Variants in CSMD1 observed in about 807,000 individuals in gnomAD.
The protein encoded by CSMD1 is CUB and sushi domain-containing protein 1.
Under a neutral mutation model 417.5 loss-of-function variants are expected in CSMD1, and 213 were observed. The ratio of observed to expected loss-of-function variants is 0.51; its 90% confidence interval spans 0.46 to 0.57. The LOEUF (loss-of-function observed/expected upper bound fraction) is 0.57, where lower values mean the gene tolerates loss of function less well. Among genes scored for constraint, CSMD1 ranks in the 20% least tolerant of loss-of-function variants. The pLI is 0.00. For synonymous variants in CSMD1, 2,862 were observed against 1,736.8 expected, an observed-to-expected ratio of 1.65 and a Z score of -16.11; for missense variants, 6,923 against 4,529.7, an observed-to-expected ratio of 1.53 and a Z score of -15.17.
At chr8:3,465,237 G>A (rs551644857) in intron 12 of CSMD1, among the ~76,000 whole-genome samples, 1 of 152,014 alleles carries the variant, frequency 6.6e-6, no homozygotes, top group African/African-American at 2.4e-5. Context: ...CACAGGCCCT[G>A]GTTTTCATTT....
chr8:3,195,932 T>A (rs1796679757), intron 33 of CSMD1, among the ~76,000 whole-genome samples: 1 of 152,146 alleles, frequency 6.6e-6, no homozygotes, highest in Non-Finnish European at 1.5e-5. Context: ...TGACTCCATC[T>A]TCAATAGGGG....
intron 5 of CSMD1, among the ~76,000 whole-genome samples, chr8:3,975,564 C>T (rs796788803): frequency 6.6e-6 from 1 of 152,090 alleles, no homozygotes; most frequent in Non-Finnish European, 1.5e-5. Context: ...TGACGGGCAG[C>T]GCTTTATCAG....
chr8:4,851,165 C>G (rs1049373150), intron 1 of CSMD1, among the ~76,000 whole-genome samples: 2 of 137,066 alleles, frequency 1.5e-5, no homozygotes, highest in Non-Finnish European at 3.0e-5. Flanking sequence ...TGTTATTATT[C>G]AATTCCCACC....
At chr8:4,951,180 G>C (rs910289496) in intron 1 of CSMD1, among the ~76,000 whole-genome samples, 1 of 152,038 alleles carries the variant, frequency 6.6e-6, no homozygotes, top group African/African-American at 2.4e-5. Context: ...CTTAAATCTT[G>C]GTTTCATGGT....
chr8:3,508,946 C>T (rs1025144708), intron 10 of CSMD1, among the ~76,000 whole-genome samples: 2 of 152,230 alleles, frequency 1.3e-5, no homozygotes, highest in South Asian at 4.1e-4. Flanking sequence ...AACTTAAAGT[C>T]CTCATGCTTA....
At chr8:3,604,303 G>A (rs943613219) in intron 8 of CSMD1, among the ~76,000 whole-genome samples, 4 of 152,164 alleles carry the variant, frequency 2.6e-5, no homozygotes, top group Non-Finnish European at 4.4e-5. Flanking sequence ...AGGCTGCGGG[G>A]GGGGACCAAA....
chr8:3,877,846 C>T (rs189430673), intron 5 of CSMD1, among the ~76,000 whole-genome samples: 1 of 152,178 alleles, frequency 6.6e-6, no homozygotes, highest in East Asian at 1.9e-4. Context: ...TAAATTTTGT[C>T]TAATAATGAC....
intron 1 of CSMD1, among the ~76,000 whole-genome samples, chr8:4,886,145 G>A (rs1291213247): frequency 2.0e-5 from 3 of 151,702 alleles, no homozygotes; most frequent in Non-Finnish European, 4.4e-5. Context: ...CACATGCCAC[G>A]ACTCCCAGCT....
chr8:4,362,284 T>G (rs1374894652), intron 3 of CSMD1, among the ~76,000 whole-genome samples: 1 of 152,152 alleles, frequency 6.6e-6, no homozygotes, highest in Admixed American at 6.5e-5. Flanking sequence ...AGCAGTGGAC[T>G]CCTCCTCCTT....
chr8:3,312,666 T>C (rs1373603488), intron 23 of CSMD1, among the ~76,000 whole-genome samples: 3 of 152,174 alleles, frequency 2.0e-5, no homozygotes, highest in Non-Finnish European at 2.9e-5. Flanking sequence ...GAAACATCCC[T>C]AGAAATCTGA....
chr8:3,934,739 C>T (rs376573348), intron 5 of CSMD1, among the ~76,000 whole-genome samples: 25 of 152,008 alleles, frequency 1.6e-4, no homozygotes, highest in Admixed American at 1.0e-3. Context: ...CCCAGCTACT[C>T]GGGAGGCTGA....
chr8:3,349,041 C>T (rs550490085), intron 21 of CSMD1, among the ~76,000 whole-genome samples: 9 of 152,254 alleles, frequency 5.9e-5, no homozygotes, highest in African/African-American at 1.4e-4. Context: ...CAGGAGTCTG[C>T]GCCAACAATT....
At chr8:4,760,110 G>GA (rs1219730249) in intron 1 of CSMD1, among the ~76,000 whole-genome samples, 1 of 152,116 alleles carries the variant, frequency 6.6e-6, no homozygotes, top group Non-Finnish European at 1.5e-5. Context: ...CATTCTGACT[G>GA]GCATGAGATC....
At chr8:3,113,458 G>A (rs149794541) in intron 42 of CSMD1, 88 of 152,324 alleles carry the variant, frequency 5.8e-4, no homozygotes, top group African/African-American at 2.0e-3. Flanking sequence ...CCAAGAATAA[G>A]CACATAAAGA....
At chr8:3,462,047 G>T (rs1816537985) in intron 12 of CSMD1, among the ~76,000 whole-genome samples, 1 of 152,128 alleles carries the variant, frequency 6.6e-6, no homozygotes, top group South Asian at 2.1e-4. Context: ...TCCAGATGGA[G>T]AATACTGACC....
chr8:4,981,643 A>C (rs905537699), intron 1 of CSMD1, among the ~76,000 whole-genome samples: 8 of 152,124 alleles, frequency 5.3e-5, no homozygotes, highest in Admixed American at 6.5e-5. Flanking sequence ...CTGTGAGATG[A>C]TCTTTTTATA....
intron 3 of CSMD1, among the ~76,000 whole-genome samples, chr8:4,361,725 G>A: frequency 6.6e-6 from 1 of 152,286 alleles, no homozygotes; most frequent in Non-Finnish European, 1.5e-5. Flanking sequence ...GGAGGCCGAA[G>A]TGGGCGGATC....
chr8:3,854,921 G>T (rs997320946), intron 5 of CSMD1, among the ~76,000 whole-genome samples: 16 of 152,032 alleles, frequency 1.1e-4, no homozygotes, highest in Non-Finnish European at 8.8e-5. Context: ...TTTCTAACAT[G>T]TAACAATGTT....
chr8:4,237,621 A>C (rs1585075528), intron 3 of CSMD1, among the ~76,000 whole-genome samples: 1 of 151,782 alleles, frequency 6.6e-6, no homozygotes, highest in African/African-American at 2.4e-5. Context: ...TGCAGCCTCA[A>C]CCTCCTGCCT....
Sources: gnomAD v4.1 joint callset for allele counts (sites outside exome capture counted in the v4.1 genomes callset) on GRCh38, gnomAD v4.1.1 for gene constraint, MANE v1.5 for transcripts, NCBI Gene and HGNC (gene_info 2026-07-23, HGNC 2026-07-21) for gene names.